RANBP17: variants seen among roughly 807,000 people sequenced by gnomAD.
The protein encoded by RANBP17 is RAN binding protein 17.
Under a neutral mutation model 141.2 loss-of-function variants are expected in RANBP17, and 158 were observed. The observed-to-expected ratio is 1.12, with a 90% CI of 0.98 to 1.28. The LOEUF (loss-of-function observed/expected upper bound fraction) is 1.28, where lower values mean the gene tolerates loss of function less well. Among genes scored for constraint, RANBP17 ranks in the 50% most tolerant of loss-of-function variants. RANBP17 has a pLI of 0.00. For synonymous variants in RANBP17, 430 were observed against 450.0 expected, an observed-to-expected ratio of 0.96 and a Z score of 0.56; for missense variants, 1,438 against 1,290.7, an observed-to-expected ratio of 1.11 and a Z score of -1.75.
At chr5:171,125,098 C>A (rs1403423494) in intron 14 of RANBP17, among the ~76,000 whole-genome samples, 1 of 152,064 alleles carries the variant, frequency 6.6e-6, no homozygotes, top group Admixed American at 6.6e-5. Flanking sequence ...AGTTCAAAAC[C>A]AGCCTGGTCA....
At chr5:170,907,316 A>C (rs1034167212) in intron 5 of RANBP17, among the ~76,000 whole-genome samples, 2 of 27,632 alleles carry the variant, frequency 7.2e-5, no homozygotes, top group Admixed American at 1.1e-3. Context: ...CCTTCGTCTC[A>C]AAATATTGGA....
At chr5:171,220,291 A>C (rs767379425) in intron 21 of RANBP17, among the ~76,000 whole-genome samples, 9 of 150,960 alleles carry the variant, frequency 6.0e-5, no homozygotes, top group South Asian at 4.2e-4. Flanking sequence ...ACCCGGCCTT[A>C]TGAGGTGTCA....
intron 24 of RANBP17, chr5:171,252,694 A>G: frequency 6.9e-7 from 1 of 1,453,408 alleles, no homozygotes; most frequent in Non-Finnish European, 9.7e-7. Flanking sequence ...TGATGCCACC[A>G]ATCCAGACAG....
At chr5:171,237,644 C>T (rs1328522122) in intron 22 of RANBP17, among the ~76,000 whole-genome samples, 4 of 152,150 alleles carry the variant, frequency 2.6e-5, no homozygotes, top group Non-Finnish European at 5.9e-5. Context: ...TGTTTTATTT[C>T]AGTAAAGTAT....
intron 14 of RANBP17, among the ~76,000 whole-genome samples, chr5:171,021,967 G>T (rs10475972): frequency 0.62 from 94,374 of 151,444 alleles, 30,254 homozygotes; most frequent in South Asian, 0.86. Flanking sequence ...GGACTTTTTT[G>T]TTGTTGTTGT....
At position 171,132,545 on chromosome 5, in the gene RANBP17, G is replaced by A. The variant is rs1756992751; in HGVS notation, c.1711-37585G>A. Among the ~76,000 whole-genome samples the A allele has an allele frequency of 2.0e-5, 3 of 151,990 alleles. No individual in the cohort carries two copies. The South Asian group carries it at 6.2e-4, about 32-fold the overall frequency. Reference sequence around the variant, plus strand: ...CAAGACCAGTCTAGGGACATAGGGGGACCCCATCTCTACAAAAAATTTAAA... The same window carrying A: ...CAAGACCAGTCTAGGGACATAGGGGAACCCCATCTCTACAAAAAATTTAAA... On this transcript the variant is annotated intron_variant, in intron 14 of 27. Coordinates refer to ENST00000523189, the MANE Select transcript of RANBP17 (RefSeq NM_022897.5).
At chr5:171,042,516 G>T (rs180751932) in intron 14 of RANBP17, among the ~76,000 whole-genome samples, 1 of 152,096 alleles carries the variant, frequency 6.6e-6, no homozygotes, top group East Asian at 1.9e-4. Flanking sequence ...TGGTGAAAGA[G>T]ATGATTAATT....
At chr5:171,026,291 A>G (rs1417419811) in intron 14 of RANBP17, among the ~76,000 whole-genome samples, 1 of 152,092 alleles carries the variant, frequency 6.6e-6, no homozygotes, top group African/African-American at 2.4e-5. Context: ...TTTTATTCCC[A>G]TTTTTATGTG....
chr5:171,027,930 A>G (rs1406718008), intron 14 of RANBP17, among the ~76,000 whole-genome samples: 2 of 152,030 alleles, frequency 1.3e-5, no homozygotes, highest in Non-Finnish European at 1.5e-5. Context: ...TGAGTACTTT[A>G]TTAAAGTATC....
At chr5:170,912,236 AAC>A (rs1581128019) in intron 7 of RANBP17, among the ~76,000 whole-genome samples, 2 of 150,704 alleles carry the variant, frequency 1.3e-5, no homozygotes, top group Non-Finnish European at 3.0e-5. Flanking sequence ...ACAGACTGAA[AAC>A]ACACATCTAC....
chr5:171,065,745 C>T (rs1414333116), intron 14 of RANBP17, among the ~76,000 whole-genome samples: 1 of 152,164 alleles, frequency 6.6e-6, no homozygotes, highest in Non-Finnish European at 1.5e-5. Flanking sequence ...CAGTACCATA[C>T]TGTTTAATGA....
intron 20 of RANBP17, 65 bp downstream of exon 20, chr5:171,205,677 C>A: frequency 1.6e-6 from 2 of 1,268,062 alleles, no homozygotes; most frequent in South Asian, 2.4e-5. Flanking sequence ...CCCTCGCTTT[C>A]GTTTAATAGT....
At chr5:170,864,661 G>A (rs1251307738) in intron 1 of RANBP17, among the ~76,000 whole-genome samples, 2 of 152,088 alleles carry the variant, frequency 1.3e-5, no homozygotes, top group African/African-American at 2.4e-5. Context: ...GAGGTACCTT[G>A]GTAAGAATCG....
chr5:171,026,283 T>C (rs1781225412), intron 14 of RANBP17, among the ~76,000 whole-genome samples: 1 of 152,214 alleles, frequency 6.6e-6, no homozygotes, highest in South Asian at 2.1e-4. Context: ...GTAGTTAATT[T>C]TATTCCCATT....
Position 171,213,764 on chromosome 5 carries a change from A to G in RANBP17, c.2339+26A>G, listed in dbSNP as rs549001880. 5 of 1,482,258 alleles carry G rather than the reference A, an allele frequency of 3.4e-6. No homozygotes were observed. The South Asian group carries it at 4.5e-5, about 13-fold the overall frequency. The allele number at this position is 1,482,258 out of a possible 1,614,324, so 91.8% of individuals were successfully genotyped here. On this transcript the variant is annotated intron_variant, in intron 21 of 27. Transcript: ENST00000523189. ...GTAAGCAGTGTGACAGGCAGTGAGA[A>G]AAACAGTCTACTATTAGCGGAAATC... is the stretch of plus-strand genomic sequence containing the variant.
At chr5:171,216,435 G>A (rs1427991064) in intron 21 of RANBP17, among the ~76,000 whole-genome samples, 2 of 152,116 alleles carry the variant, frequency 1.3e-5, no homozygotes, top group Non-Finnish European at 1.5e-5. Flanking sequence ...CTAGTTCTGC[G>A]AAGAAAGATA....
At chr5:170,886,205 T>C (rs1351550339) in intron 3 of RANBP17, among the ~76,000 whole-genome samples, 1 of 152,206 alleles carries the variant, frequency 6.6e-6, no homozygotes, top group African/African-American at 2.4e-5. Flanking sequence ...ACCACTTTAA[T>C]GTCCTCATTG....
chr5:171,262,167 G>A (rs1176836278), intron 24 of RANBP17, among the ~76,000 whole-genome samples: 2 of 152,110 alleles, frequency 1.3e-5, no homozygotes, highest in Non-Finnish European at 2.9e-5. Context: ...ATGATTGATA[G>A]CATATTGCTT....
At chr5:170,935,298 T>C (rs1043326304) in intron 12 of RANBP17, among the ~76,000 whole-genome samples, 1 of 152,224 alleles carries the variant, frequency 6.6e-6, no homozygotes, top group Non-Finnish European at 1.5e-5. Context: ...TCTGAAGCCT[T>C]CTTCTCTCGA....
Sources: allele counts gnomAD v4.1 joint callset (sites outside exome capture counted in the v4.1 genomes callset), GRCh38; gene constraint gnomAD v4.1.1; transcripts MANE v1.5; gene names NCBI Gene and HGNC (gene_info 2026-07-23, HGNC 2026-07-21).